Variants in PCDH11X observed in about 807,000 individuals in gnomAD.
PCDH11X encodes the protein protocadherin-11 X-linked.
PCDH11X carries 18 observed loss-of-function variants against 53.3 expected under a neutral mutation model. That is an observed-to-expected ratio of 0.34 (90% confidence interval 0.23 to 0.50). The LOEUF is 0.50. Ranked by LOEUF, PCDH11X falls within the 20% of genes least tolerant of loss-of-function variation. The pLI, the probability that PCDH11X is intolerant of heterozygous loss-of-function variation, is 0.98. For synonymous variants in PCDH11X, 279 were observed against 393.3 expected, an observed-to-expected ratio of 0.71 and a Z score of 3.44; for missense variants, 570 against 1,032.4, an observed-to-expected ratio of 0.55 and a Z score of 6.14.
chrX:91,876,263 G>A (rs186015990), intron 5 of PCDH11X, among the ~76,000 whole-genome samples: 9 of 109,582 alleles, frequency 8.2e-5, no homozygotes, highest in African/African-American at 3.0e-4. Flanking sequence ...ATGGTGGTGT[G>A]TATATTGCTC....
chrX:92,387,639 C>T, intron 8 of PCDH11X, 96 bp from the exon 9 acceptor site: 1 of 1,201,805 alleles, frequency 8.3e-7, no homozygotes, highest in Non-Finnish European at 1.1e-6. Flanking sequence ...AATGTGTCTT[C>T]ACCAGATAGC....
rs775655290 is a variant in PCDH11X, at chrX:92,478,243, C to T, written c.3367+9921C>T. ...AAACTTCTTTCTTTTAAAAATTGCCCACTCTCGAGTATTTGTTTATAGCAA... is the reference window on the plus strand; with the variant it reads ...AAACTTCTTTCTTTTAAAAATTGCCTACTCTCGAGTATTTGTTTATAGCAA... On this transcript the variant is annotated intron_variant, in intron 10 of 10. Transcript: ENST00000682573. 1.7e-3 allele frequency among the ~76,000 whole-genome samples: 187 copies of T among 110,798 alleles called. 1 individual carries two copies. Among genetic ancestry groups the T allele is most frequent in the African/African-American group, 6.0e-3 (184 of 30,457 alleles).
chrX:92,109,721 C>T (rs2064460491), intron 6 of PCDH11X, among the ~76,000 whole-genome samples: 1 of 112,128 alleles, frequency 8.9e-6, no homozygotes, highest in Admixed American at 9.5e-5. Context: ...CAAAGGCAGA[C>T]TGGGCCCAAA....
intron 6 of PCDH11X, among the ~76,000 whole-genome samples, chrX:92,175,785 TAC>T (rs750843204): frequency 8.4e-5 from 7 of 83,808 alleles, no homozygotes; most frequent in Non-Finnish European, 1.6e-4. Flanking sequence ...TGTATATATA[TAC>T]ACACACACAC....
intron 6 of PCDH11X, among the ~76,000 whole-genome samples, chrX:92,116,798 G>A (rs1217936807): frequency 9.0e-6 from 1 of 110,538 alleles, no homozygotes; most frequent in Non-Finnish European, 1.9e-5. Flanking sequence ...ATGTTGCCCA[G>A]GCTGGTCTTG....
At chrX:91,973,281 A>C (rs2061995454) in intron 6 of PCDH11X, among the ~76,000 whole-genome samples, 1 of 63,250 alleles carries the variant, frequency 1.6e-5, no homozygotes, top group Admixed American at 2.5e-4. Context: ...CACTCTGGGG[A>C]CTGTGGTGGG....
chrX:92,025,881 AG>A (rs2062962850), intron 6 of PCDH11X, among the ~76,000 whole-genome samples: 1 of 109,973 alleles, frequency 9.1e-6, no homozygotes, highest in South Asian at 3.9e-4. Context: ...ACCATAAAAA[AG>A]AAGGAGCTCA....
chrX:92,299,061 T>G (rs1295071267), intron 8 of PCDH11X, among the ~76,000 whole-genome samples: 1 of 111,564 alleles, frequency 9.0e-6, no homozygotes, highest in African/African-American at 3.3e-5. Context: ...TCTCGTCTCC[T>G]GCTAAATCAT....
intron 7 of PCDH11X, among the ~76,000 whole-genome samples, chrX:92,222,150 T>C (rs1239635239): frequency 1.8e-5 from 2 of 110,930 alleles, no homozygotes; most frequent in African/African-American, 3.3e-5. Context: ...ATAGATTTTT[T>C]TTTTTAAAGG....
intron 10 of PCDH11X, among the ~76,000 whole-genome samples, chrX:92,540,702 C>A (rs1890379126): frequency 9.3e-6 from 1 of 107,141 alleles, no homozygotes; most frequent in Admixed American, 1.0e-4. Context: ...GAGCCCGAGG[C>A]CCATGGAGTA....
chrX:92,585,882 A>T (rs926800806), intron 10 of PCDH11X, among the ~76,000 whole-genome samples: 2 of 104,693 alleles, frequency 1.9e-5, no homozygotes, highest in Non-Finnish European at 3.9e-5. Flanking sequence ...CAGTTACATG[A>T]TAAAGAATAG....
intron 6 of PCDH11X, among the ~76,000 whole-genome samples, chrX:91,918,500 A>G: frequency 9.0e-6 from 1 of 110,767 alleles, no homozygotes; most frequent in East Asian, 2.9e-4. Context: ...TTTTGCACCT[A>G]AACATTGGAT....
At chrX:92,036,461 C>T (rs1246832924) in intron 6 of PCDH11X, among the ~76,000 whole-genome samples, 1 of 109,201 alleles carries the variant, frequency 9.2e-6, no homozygotes, top group Non-Finnish European at 1.9e-5. Flanking sequence ...TTACGAGATT[C>T]GATGGTTTTA....
chrX:91,840,942 G>A (rs991076639), intron 5 of PCDH11X, among the ~76,000 whole-genome samples: 4 of 110,382 alleles, frequency 3.6e-5, no homozygotes, highest in Non-Finnish European at 7.6e-5. Context: ...ATAAAATGAA[G>A]TTTCACTTAA....
intron 7 of PCDH11X, among the ~76,000 whole-genome samples, chrX:92,203,638 G>T (rs1187473182): frequency 8.9e-6 from 1 of 112,300 alleles, no homozygotes; most frequent in Admixed American, 9.4e-5. Flanking sequence ...AGAGCCAACT[G>T]TACAGGAGAC....
intron 8 of PCDH11X, among the ~76,000 whole-genome samples, chrX:92,312,515 A>T (rs1401044109): frequency 1.8e-5 from 2 of 110,587 alleles, no homozygotes; most frequent in Non-Finnish European, 3.8e-5. Context: ...GGTTTTGACT[A>T]ATGTACTACT....
At chrX:92,579,116 T>A (rs1258037330) in intron 10 of PCDH11X, among the ~76,000 whole-genome samples, 1 of 100,726 alleles carries the variant, frequency 9.9e-6, no homozygotes, top group African/African-American at 3.7e-5. Context: ...AGAGGTCCTC[T>A]GCTAGTCTGA....
chrX:92,350,322 A>G (rs5984177), intron 8 of PCDH11X, among the ~76,000 whole-genome samples: 2,211 of 109,881 alleles, frequency 0.02, 56 homozygotes, highest in African/African-American at 0.068. Flanking sequence ...TCATATGACT[A>G]GAATTGCTTT....
intron 6 of PCDH11X, among the ~76,000 whole-genome samples, chrX:92,142,892 T>C (rs1335380320): frequency 2.1e-5 from 2 of 95,544 alleles, no homozygotes; most frequent in Non-Finnish European, 2.1e-5. Flanking sequence ...TACACGTTGA[T>C]ATATATACAC....
Sources: allele counts gnomAD v4.1 joint callset (sites outside exome capture counted in the v4.1 genomes callset), GRCh38; gene constraint gnomAD v4.1.1; transcripts MANE v1.5; gene names NCBI Gene and HGNC (gene_info 2026-07-23, HGNC 2026-07-21).